The following SGK1 variants were observed in gnomAD, a reference collection of about 807,000 sequenced individuals.
The protein encoded by SGK1 is serum/glucocorticoid regulated kinase 1, also known as serine/threonine-protein kinase Sgk1.
Under a neutral mutation model 64.2 loss-of-function variants are expected in SGK1, and 26 were observed. The ratio of observed to expected loss-of-function variants is 0.40; its 90% CI spans 0.30 to 0.56. The LOEUF (loss-of-function observed/expected upper bound fraction) is 0.56, where lower values mean the gene tolerates loss of function less well. Ranked by LOEUF, SGK1 falls within the 20% of genes least tolerant of loss-of-function variation. The pLI is 0.38. For missense variants in SGK1, 519 were observed against 645.6 expected (o/e 0.80, Z 2.12); for synonymous variants, 265 against 239.7 (o/e 1.11, Z -0.98).
At chr6:134,286,289 C>A (rs771120730) in intron 1 of SGK1, among the ~76,000 whole-genome samples, 3 of 152,058 alleles carry the variant, frequency 2.0e-5, no homozygotes, top group African/African-American at 7.2e-5. Flanking sequence ...GGAGGCCTGT[C>A]TCTACAAAAA....
At chr6:134,266,797 T>A (rs776476194) in intron 1 of SGK1, among the ~76,000 whole-genome samples, 1 of 152,198 alleles carries the variant, frequency 6.6e-6, no homozygotes, top group African/African-American at 2.4e-5. Context: ...ATAGAATGTA[T>A]CTTCTTAATG....
At position 134,198,726 on chromosome 6, in the gene SGK1, A is replaced by ATT. The variant is rs1178699258; in HGVS notation, c.361+8628_361+8629dup. ...TTTTTTCTTCTTTTTCTCTTTTTCTATTTTTTTTTTTTTTTTTTTTGAAAA... is the reference window on the plus strand; with the variant it reads ...TTTTTTCTTCTTTTTCTCTTTTTCTATTTTTTTTTTTTTTTTTTTTTTGAAAA... On this transcript the variant is annotated intron_variant, in intron 3 of 13. Coordinates refer to ENST00000367858, the MANE Select transcript of SGK1 (RefSeq NM_001143676.3). 8.9e-4 allele frequency among the ~76,000 whole-genome samples: 91 copies of ATT among 101,780 alleles called. 4 individuals carry two copies. Among genetic ancestry groups the ATT allele is most frequent in the African/African-American group, 2.1e-3 (58 of 26,994 alleles). 66.8% of individuals were successfully genotyped at this position (101,780 alleles called of 152,430 possible).
chr6:134,283,305 A>T (rs1010224112), intron 1 of SGK1: 2 of 151,882 alleles, frequency 1.3e-5, no homozygotes, highest in Admixed American at 1.3e-4. Flanking sequence ...AGCCTGGCCA[A>T]CATGGTGAAA....
chr6:134,177,472 A>G (rs1365639615), intron 3 of SGK1, among the ~76,000 whole-genome samples: 1 of 152,144 alleles, frequency 6.6e-6, no homozygotes, highest in Non-Finnish European at 1.5e-5. Flanking sequence ...CTCTTGAGAG[A>G]GCAAATTTTG....
At chr6:134,216,953 A>G (rs1775996379) in intron 2 of SGK1, among the ~76,000 whole-genome samples, 1 of 152,192 alleles carries the variant, frequency 6.6e-6, no homozygotes, top group African/African-American at 2.4e-5. Context: ...ATGGGAGTGC[A>G]AGACTCATGG....
intron 3 of SGK1, chr6:134,176,050 A>AT: frequency 2.1e-6 from 2 of 945,960 alleles, no homozygotes; most frequent in Non-Finnish European, 2.5e-6. Flanking sequence ...TCCGCATGTA[A>AT]TTTTTTTCCT....
intron 11 of SGK1, 122 bp downstream of exon 11, chr6:134,171,515 C>G: frequency 1.5e-6 from 1 of 672,318 alleles, no homozygotes; most frequent in Non-Finnish European, 2.6e-6. Flanking sequence ...AACCAATATG[C>G]CTCTTAGCTG....
At chr6:134,173,391 T>C (rs1775097312) in intron 6 of SGK1, 34 bp from the exon 7 acceptor site, 1 of 1,594,568 alleles carries the variant, frequency 6.3e-7, no homozygotes, top group Non-Finnish European at 8.6e-7. Context: ...CATTTTTCTA[T>C]CCTCATCCAG....
chr6:134,216,892 G>A (rs1469983035), intron 2 of SGK1, among the ~76,000 whole-genome samples: 1 of 152,188 alleles, frequency 6.6e-6, no homozygotes, highest in Non-Finnish European at 1.5e-5. Flanking sequence ...CAAAGGTGTG[G>A]GAACAAAACT....
intron 1 of SGK1, among the ~76,000 whole-genome samples, chr6:134,272,273 T>A (rs975067887): frequency 6.2e-5 from 9 of 144,320 alleles, no homozygotes; most frequent in Non-Finnish European, 3.0e-5. Context: ...CCTGAGTAAC[T>A]GGGATCACAA....
Position 134,172,269 on chromosome 6 carries a change from A to G in SGK1, c.995T>C (p.Val332Ala). The G allele has an allele frequency of 1.9e-6, 3 of 1,613,960 alleles. No homozygotes were observed. In the East Asian group the frequency reaches 6.7e-5, roughly 36 times the overall value. Residue 332 changes from valine to alanine, a missense_variant, in exon 10 of 14, where the codon GTC becomes GCC. Coordinates refer to ENST00000367858, the MANE Select transcript of SGK1 (RefSeq NM_001143676.3). ...NILLDSQGHI[V>A]LTDFGLCKEN... ...CTTGCAGAGTCCGAAGTCAGTAAGG[A>G]CAATGTGTCCCTGTGAATCTAGCAA...
intron 1 of SGK1, among the ~76,000 whole-genome samples, chr6:134,303,836 C>T (rs945351460): frequency 2.0e-5 from 3 of 151,994 alleles, no homozygotes; most frequent in Non-Finnish European, 4.4e-5. Context: ...GACACAGTTT[C>T]TCTTTGCCAC....
rs1775146048 is a variant in SGK1 at position 134,174,513 on chromosome 6, T to C, written c.435A>G (p.Lys145=). The C allele has an allele frequency of 6.2e-7, 1 of 1,610,784 alleles. No individual in the cohort carries two copies. Among genetic ancestry groups the C allele is most frequent in the Admixed American group, 1.7e-5 (1 of 59,986 alleles). The part of the protein sequence containing the change: ...QKIANNSYAC[K]HPEVQSILKI... The stretch of plus-strand genomic sequence containing the variant: ...TCCTCAAATCCGGTCAAACTTACTG[T>C]TTGCATGCATAGGAGTTATTGGCAA... The change falls in exon 4 of 14, where the codon AAA becomes AAG. Residue 145 remains lysine, a splice_region_variant and synonymous_variant. Coordinates refer to ENST00000367858, the MANE Select transcript of SGK1 (RefSeq NM_001143676.3).
chr6:134,226,289 G>T (rs997277790), intron 2 of SGK1, among the ~76,000 whole-genome samples: 7 of 151,884 alleles, frequency 4.6e-5, no homozygotes, highest in Admixed American at 1.3e-4. Flanking sequence ...TTAAAATCTG[G>T]AAAACAGTCA....
At chr6:134,199,904 C>T (rs2114675287) in intron 3 of SGK1, among the ~76,000 whole-genome samples, 1 of 152,264 alleles carries the variant, frequency 6.6e-6, no homozygotes, top group South Asian at 2.1e-4. Context: ...CAGTGTCTAG[C>T]TAAAATAATG....
chr6:134,292,312 G>A (rs1428975321), intron 1 of SGK1, among the ~76,000 whole-genome samples: 4 of 152,118 alleles, frequency 2.6e-5, no homozygotes, highest in Admixed American at 1.3e-4. Context: ...AGCCCAGGGG[G>A]CCGGGCGCGG....
chr6:134,247,709 C>T (rs1179876235), intron 2 of SGK1, among the ~76,000 whole-genome samples: 1 of 152,144 alleles, frequency 6.6e-6, no homozygotes, highest in African/African-American at 2.4e-5. Context: ...GAGTCATTGT[C>T]ACTGATTTAC....
chr6:134,265,763 T>C (rs906439425), intron 1 of SGK1, among the ~76,000 whole-genome samples: 1 of 150,054 alleles, frequency 6.7e-6, no homozygotes, highest in Admixed American at 6.7e-5. Context: ...CTTTAACTTT[T>C]AAAAGAATAA....
chr6:134,177,784 G>A (rs1775270688), intron 3 of SGK1: 2 of 1,613,582 alleles, frequency 1.2e-6, no homozygotes, highest in East Asian at 2.2e-5. Flanking sequence ...AAGCCTCCCT[G>A]CTACATGCCT....
Sources: allele counts gnomAD v4.1 joint callset (sites outside exome capture counted in the v4.1 genomes callset), GRCh38; gene constraint gnomAD v4.1.1; transcripts MANE v1.5; gene names NCBI Gene and HGNC (gene_info 2026-07-23, HGNC 2026-07-21).